Variants in DYDC2 observed in about 807,000 individuals in gnomAD.
DYDC2 encodes the protein DPY30 domain containing 2.
Under a neutral mutation model 18.7 loss-of-function variants are expected in DYDC2, and 19 were observed. The observed-to-expected ratio is 1.02, with a 90% CI of 0.71 to 1.49. DYDC2 has a LOEUF of 1.49. DYDC2 is among the 40% of genes most tolerant of loss of function. The pLI, the probability that DYDC2 is intolerant of heterozygous loss-of-function variation, is 0.00. For missense variants in DYDC2, 179 were observed against 205.1 expected (o/e 0.87, Z 0.78); for synonymous variants, 63 against 67.6 (o/e 0.93, Z 0.34).
At position 80,362,981 on chromosome 10, in the gene DYDC2, G is replaced by A; in HGVS notation, c.178G>A (p.Glu60Lys). ...GGAAAAGAAGATCCACCTGCAGGAG[G>A]AATATGACAGTAGCCTCAAGGAAAT... ...NREKKIHLQEEYDSSLKEMEM... is the reference protein window; with the variant it reads ...NREKKIHLQEKYDSSLKEMEM... Residue 60 changes from glutamate (E) to lysine (K), a missense_variant, in exon 4 of 5, where the codon GAA becomes AAA. Glu to Lys is a moderately conservative substitution (Grantham distance 56). Transcript: ENST00000256039. The A allele has an allele frequency of 6.2e-7, 1 of 1,613,122 alleles. No individual in the cohort carries two copies. The highest frequency in any genetic ancestry group is 8.5e-7 in the Non-Finnish European group (1 of 1,179,982).
At chr10:80,351,717 A>C (rs1344889492) in intron 1 of DYDC2, among the ~76,000 whole-genome samples, 1 of 152,206 alleles carries the variant, frequency 6.6e-6, no homozygotes, top group Non-Finnish European at 1.5e-5. Flanking sequence ...ACAAGAATGC[A>C]CTCAGGAAAA....
upstream of DYDC2, chr10:80,352,673 A>C (rs1843075476): frequency 6.6e-7 from 1 of 1,517,588 alleles, no homozygotes; most frequent in South Asian, 1.4e-5. Context: ...ATAAAACTAA[A>C]GTCCAGTGAG....
At chr10:80,350,180 CCTA>C (rs1391157673) in intron 1 of DYDC2, among the ~76,000 whole-genome samples, 1 of 152,168 alleles carries the variant, frequency 6.6e-6, no homozygotes, top group African/African-American at 2.4e-5. Context: ...TCTCTTCCGC[CCTA>C]CTACAATACT....
chr10:80,344,944 C>G (rs1318643788), intron 1 of DYDC2: 1 of 153,942 alleles, frequency 6.5e-6, no homozygotes, highest in African/African-American at 2.4e-5. Flanking sequence ...TGTAGAAACA[C>G]TGATTCAATA....
At chr10:80,350,739 G>A (rs1426022165) in intron 1 of DYDC2, among the ~76,000 whole-genome samples, 1 of 152,126 alleles carries the variant, frequency 6.6e-6, no homozygotes, top group Non-Finnish European at 1.5e-5. Context: ...TCAAGACTCT[G>A]GGGTTAAGTA....
chr10:80,358,075 G>A (rs1489778922), intron 2 of DYDC2, 30 bp downstream of exon 2: 2 of 985,330 alleles, frequency 2.0e-6, no homozygotes, highest in Non-Finnish European at 2.4e-6. Flanking sequence ...GTCTGAGTGG[G>A]CTTTAAAAGG....
chr10:80,351,131 C>T (rs1842950562), intron 1 of DYDC2, among the ~76,000 whole-genome samples: 1 of 152,208 alleles, frequency 6.6e-6, no homozygotes, highest in East Asian at 1.9e-4. Flanking sequence ...ACTCTGCCCA[C>T]ACCTCCTACC....
At chr10:80,358,182 A>G (rs1283035689) in intron 2 of DYDC2, 137 bp downstream of exon 2, 1 of 518,076 alleles carries the variant, frequency 1.9e-6, no homozygotes, top group Non-Finnish European at 2.5e-6. Context: ...ATTCAAAACC[A>G]GCCTGGCCAA....
rs1349588155 is a variant in DYDC2, at chr10:80,363,036, A to C, written c.233A>C (p.Glu78Ala). ...ATGACAGAAATGCTGAAACAGGAAG[A>C]GTATCAGATTCAACAGAACTGTGAA... Reference protein sequence around the residue: ...MEMTEMLKQEEYQIQQNCEKC... With the variant: ...MEMTEMLKQEAYQIQQNCEKC... Residue 78 changes from glutamate (E) to alanine (A), a missense_variant, in exon 4 of 5, where the codon GAG (glutamate) becomes GCG (alanine). Physicochemically the swap from Glu to Ala is moderately radical, Grantham distance 107 (BLOSUM62 -1). Coordinates refer to ENST00000256039, the MANE Select transcript of DYDC2 (RefSeq NM_032372.6). 2 of 1,614,026 alleles carry C rather than the reference A, an allele frequency of 1.2e-6. No homozygotes were observed. Among genetic ancestry groups the C allele is most frequent in the Non-Finnish European group, 1.7e-6 (2 of 1,179,982 alleles).
At chr10:80,362,669 T>C (rs2132895042) in intron 3 of DYDC2, 79 bp downstream of exon 3, 1 of 1,522,032 alleles carries the variant, frequency 6.6e-7, no homozygotes, top group Non-Finnish European at 8.8e-7. Context: ...GGCAGGATTC[T>C]GGAGCTGGCC....
chr10:80,350,302 G>C (rs942324648), intron 1 of DYDC2, among the ~76,000 whole-genome samples: 2 of 152,256 alleles, frequency 1.3e-5, no homozygotes, highest in South Asian at 2.1e-4. Context: ...TAAAGTAGTC[G>C]AGCCGAAGAG....
upstream of DYDC2, among the ~76,000 whole-genome samples, chr10:80,354,905 T>G (rs947500139): frequency 6.6e-5 from 10 of 152,002 alleles, no homozygotes; most frequent in Admixed American, 5.9e-4. Context: ...CAGCGCAAAC[T>G]AAAACAAAAA....
chr10:80,364,338 G>A (rs913389753), intron 4 of DYDC2, among the ~76,000 whole-genome samples: 1 of 152,162 alleles, frequency 6.6e-6, no homozygotes, highest in Non-Finnish European at 1.5e-5. Context: ...CCTTCTTTAA[G>A]CAATTGTTTG....
At chr10:80,352,674 G>A, upstream of DYDC2, 1 of 1,506,826 alleles carries the variant, frequency 6.6e-7, no homozygotes, top group Non-Finnish European at 8.9e-7. Context: ...TAAAACTAAA[G>A]TCCAGTGAGG....
chr10:80,351,882 A>G, upstream of DYDC2: 1 of 1,611,856 alleles, frequency 6.2e-7, no homozygotes, highest in Non-Finnish European at 8.5e-7. Context: ...TCCCCTCTGA[A>G]CTCTCCTACT....
chr10:80,359,946 G>A (rs1034447362), intron 2 of DYDC2, among the ~76,000 whole-genome samples: 3 of 152,224 alleles, frequency 2.0e-5, no homozygotes, highest in African/African-American at 4.8e-5. Context: ...TGCAGCGGCG[G>A]GCTGAAGGGC....
At chr10:80,365,446 T>G (rs1843798237) in intron 4 of DYDC2, among the ~76,000 whole-genome samples, 1 of 152,250 alleles carries the variant, frequency 6.6e-6, no homozygotes, top group African/African-American at 2.4e-5. Context: ...TTTATAAAGA[T>G]CTAAACTATA....
At chr10:80,362,871 T>A (rs1302640865) in intron 3 of DYDC2, 80 bp from the exon 4 acceptor site, 3 of 1,545,658 alleles carry the variant, frequency 1.9e-6, no homozygotes, top group Non-Finnish European at 2.6e-6. Context: ...CCACAGCCCA[T>A]ATCAGTCCCC....
In DYDC2 at chr10:80,358,036, C is replaced by G. The variant is rs1008091773; in HGVS notation, c.-19C>G. On this transcript the variant is annotated 5_prime_UTR_variant, in exon 2 of 5. Coordinates refer to ENST00000256039, the MANE Select transcript of DYDC2 (RefSeq NM_032372.6). ...TGGGAAACACTGAAAAATAGCCTCT[C>G]CCCCCATTGGTGAGTGTACCCTAAG... The G allele has an allele frequency of 1.0e-6, 1 of 984,730 alleles. No individual in the cohort carries two copies. The highest frequency in any genetic ancestry group is 1.2e-6 in the Non-Finnish European group (1 of 830,058). The allele number at this position is 984,730 out of a possible 1,614,324, so 61.0% of individuals were successfully genotyped here.
Sources: gnomAD v4.1 joint callset for allele counts (sites outside exome capture counted in the v4.1 genomes callset) on GRCh38, gnomAD v4.1.1 for gene constraint, MANE v1.5 for transcripts, NCBI Gene and HGNC (gene_info 2026-07-23, HGNC 2026-07-21) for gene names.